The following AQP11 variants were observed in gnomAD, a reference collection of about 807,000 sequenced individuals.
The protein encoded by AQP11 is aquaporin 11.
A neutral mutation model predicts 21.1 loss-of-function variants in AQP11; 20 were observed. The observed-to-expected ratio is 0.95, with a 90% CI of 0.67 to 1.38. The LOEUF (loss-of-function observed/expected upper bound fraction) is 1.38, where lower values mean the gene tolerates loss of function less well. Ranked by LOEUF, AQP11 falls within the 40% of genes most tolerant of loss-of-function variation. The pLI, the probability that AQP11 is intolerant of heterozygous loss-of-function variation, is 0.00. For missense variants in AQP11, 339 were observed against 340.4 expected, an observed-to-expected ratio of 1.00 and a Z score of 0.03; for synonymous variants, 167 against 150.1, an observed-to-expected ratio of 1.11 and a Z score of -0.82.
In AQP11 at chr11:77,596,525, AATATATATGTAAATATATATATATATAT is replaced by A. The variant is rs1565117451; in HGVS notation, c.619+5923_619+5950del. On this transcript the variant is annotated intron_variant, in intron 1 of 2. Coordinates refer to ENST00000313578, the MANE Select transcript of AQP11 (RefSeq NM_173039.3). Reference sequence around the variant, plus strand: ...ATATATATGTGTAAATATATATGTAAATATATATGTAAATATATATATATATATATATATATATGTATGTAATGGTTAA... The same window carrying A: ...ATATATATGTGTAAATATATATGTAAATATATATATGTATGTAATGGTTAA... Among the ~76,000 whole-genome samples, 112 of 87,250 alleles carry A rather than the reference AATATATATGTAAATATATATATATATAT, an allele frequency of 1.3e-3. 2 individuals carry two copies. The highest frequency in any genetic ancestry group is 4.7e-3 in the African/African-American group (105 of 22,452). 57.2% of individuals were successfully genotyped at this position (87,250 alleles called of 152,430 possible).
chr11:77,590,565 T>C lies in AQP11; in HGVS notation c.573T>C (p.Leu191=). 1 of 1,614,184 alleles carries C rather than the reference T, an allele frequency of 6.2e-7. No homozygotes were observed. The highest frequency in any genetic ancestry group is 1.1e-5 in the South Asian group (1 of 91,084). The change falls in exon 1 of 3, where the codon CTT becomes CTC. Residue 191 remains leucine, a synonymous_variant. Coordinates refer to ENST00000313578, the MANE Select transcript of AQP11 (RefSeq NM_173039.3). ...ACTTCCAGGAAGTCCGAACCAAGCT[T>C]CGTATCCACCTGCTGGCTGCACTCA... The part of the protein sequence containing the change: ...LLHFQEVRTK[L]RIHLLAALIT...
intron 1 of AQP11, chr11:77,590,846 A>G (rs915706008): frequency 6.1e-5 from 60 of 985,264 alleles, no homozygotes; most frequent in Non-Finnish European, 6.9e-5. Flanking sequence ...GCTGAAACTG[A>G]GATACTGTGA....
chr11:77,595,209 C>T (rs6592736), intron 1 of AQP11, among the ~76,000 whole-genome samples: 27,431 of 151,888 alleles, frequency 0.18, 3,160 homozygotes, highest in African/African-American at 0.31. Context: ...GGCATGCTTG[C>T]GCATGCCTGT....
At chr11:77,592,003 C>T (rs2135743018) in intron 1 of AQP11, among the ~76,000 whole-genome samples, 1 of 152,324 alleles carries the variant, frequency 6.6e-6, no homozygotes, top group Admixed American at 6.5e-5. Flanking sequence ...CGGTGGCTCA[C>T]ACCTGTCATC....
rs1958827893 is a variant in AQP11 at position 77,603,642 on chromosome 11, T to G, written c.706T>G (p.Phe236Val). Residue 236 changes from phenylalanine (F) to valine (V), a missense_variant, in exon 2 of 3, where the codon TTT becomes GTT. Physicochemically the swap from Phe to Val is conservative, Grantham distance 50. Coordinates refer to ENST00000313578, the MANE Select transcript of AQP11 (RefSeq NM_173039.3). Reference protein sequence around the residue: ...MCFDEAFPQFFIVYWLAPSLG... With the variant: ...MCFDEAFPQFVIVYWLAPSLG... ...TTTTGATGAAGCATTCCCTCAGTTT[T>G]TTATAGTATACTGGCTGGCTCCTTC... 6.2e-7 allele frequency: 1 copy of G among 1,608,370 alleles called. No homozygotes were observed. The highest frequency in any genetic ancestry group is 8.5e-7 in the Non-Finnish European group (1 of 1,177,828).
Position 77,590,479 on chromosome 11 carries a change from T to A in AQP11, c.487T>A (p.Leu163Met). 6.2e-7 allele frequency: 1 copy of A among 1,614,172 alleles called. No homozygotes were observed. The highest frequency in any genetic ancestry group is 8.5e-7 in the Non-Finnish European group (1 of 1,180,030). The change falls in exon 1 of 3, where the codon TTG (leucine) becomes ATG (methionine). Residue 163 changes from leucine (L) to methionine (M), a missense_variant. Transcript: ENST00000313578. ...FACKNPIRVD[L>M]LKAVITEAVC... ...TTGCAAGAATCCCATCCGAGTCGAC[T>A]TGCTCAAAGCGGTCATCACAGAGGC... is the stretch of plus-strand genomic sequence containing the variant.
rs776971554 is a variant in AQP11 at position 77,603,690 on chromosome 11, T to C, written c.736+18T>C. The C allele has an allele frequency of 4.0e-6, 6 of 1,508,556 alleles. No homozygotes were observed. The highest frequency in any genetic ancestry group is 4.5e-6 in the Non-Finnish European group (5 of 1,102,984). The allele number at this position is 1,508,556 out of a possible 1,614,324, so 93.4% of individuals were successfully genotyped here. On this transcript the variant is annotated intron_variant, in intron 2 of 2. Transcript: ENST00000313578. ...TTCTTTAGGTAAGCGTATTTTTATT[T>C]AATATGTCTGAAAGATTAGGGTATT...
At chr11:77,596,522 G>A (rs903433300) in intron 1 of AQP11, among the ~76,000 whole-genome samples, 4 of 90,446 alleles carry the variant, frequency 4.4e-5, no homozygotes, top group Admixed American at 1.2e-4. Flanking sequence ...AAATATATAT[G>A]TAAATATATA....
chr11:77,596,537 A>AATAAATATATATATATAT (rs1958783015), intron 1 of AQP11, among the ~76,000 whole-genome samples: 1 of 86,576 alleles, frequency 1.2e-5, no homozygotes, highest in African/African-American at 4.5e-5. Context: ...TATATATGTA[A>AATAAATATATATATATAT]ATATATATAT....
In AQP11 at chr11:77,610,099, G is replaced by C. The variant is rs1410890281; in HGVS notation, c.*722G>C. 1.3e-5 allele frequency: 2 copies of C among 152,086 alleles called. No individual in the cohort carries two copies. Among genetic ancestry groups the C allele is most frequent in the Non-Finnish European group, 2.9e-5 (2 of 68,028 alleles). 9.4% of individuals were successfully genotyped at this position (152,086 alleles called of 1,614,324 possible). A position where few individuals can be genotyped will look rare whatever the true frequency, so the allele number is the denominator to read the frequency against. The stretch of plus-strand genomic sequence containing the variant: ...AACAGCTAGCTACCTTATGAAGTAG[G>C]GAGGGCATGTATTTTTAATCTCCAT... On this transcript the variant is annotated 3_prime_UTR_variant, in exon 3 of 3. Coordinates refer to ENST00000313578, the MANE Select transcript of AQP11 (RefSeq NM_173039.3).
At chr11:77,601,682 C>A (rs568418541) in intron 1 of AQP11, among the ~76,000 whole-genome samples, 2 of 152,268 alleles carry the variant, frequency 1.3e-5, no homozygotes, top group South Asian at 4.1e-4. Context: ...TTTCATGATT[C>A]TGTGGGTTAT....
intron 2 of AQP11, among the ~76,000 whole-genome samples, chr11:77,605,125 G>A (rs544468706): frequency 3.5e-4 from 53 of 152,258 alleles, no homozygotes; most frequent in African/African-American, 1.1e-3. Context: ...CCTAGGAGGC[G>A]GAGCTTGCAG....
At chr11:77,594,998 G>T (rs1362700083) in intron 1 of AQP11, among the ~76,000 whole-genome samples, 1 of 152,034 alleles carries the variant, frequency 6.6e-6, no homozygotes, top group Non-Finnish European at 1.5e-5. Context: ...TTAGTTCAAT[G>T]AACAGTTTGA....
In AQP11 at chr11:77,604,919, C is replaced by T. The variant is rs142690009; in HGVS notation, c.736+1247C>T. ...AAATTTTCTCTGTTTTTAGGCCGGG[C>T]GCAGTGGCTCACGCCTGTAATCCCA... is the stretch of plus-strand genomic sequence containing the variant. On this transcript the variant is annotated intron_variant, in intron 2 of 2. Transcript: ENST00000313578. 4.0e-3 allele frequency among the ~76,000 whole-genome samples: 604 copies of T among 152,288 alleles called. 3 individuals carry two copies. Among genetic ancestry groups the T allele is most frequent in the African/African-American group, 0.014 (562 of 41,566 alleles).
chr11:77,605,998 G>A (rs940839118), intron 2 of AQP11, among the ~76,000 whole-genome samples: 3 of 135,576 alleles, frequency 2.2e-5, no homozygotes, highest in Non-Finnish European at 4.6e-5. Context: ...AGCCGAGATC[G>A]CACTACTGCA....
chr11:77,601,889 C>T (rs1729367616), intron 1 of AQP11, among the ~76,000 whole-genome samples: 1 of 152,170 alleles, frequency 6.6e-6, no homozygotes, highest in African/African-American at 2.4e-5. Context: ...GGCATTCTTC[C>T]AAGAGAGCAA....
intron 1 of AQP11, among the ~76,000 whole-genome samples, chr11:77,595,527 A>G (rs1958773397): frequency 6.6e-6 from 1 of 152,240 alleles, no homozygotes; most frequent in African/African-American, 2.4e-5. Flanking sequence ...GTCATAACAT[A>G]TATCAAGATC....
At position 77,590,235 on chromosome 11, in the gene AQP11, C is replaced by A; in HGVS notation, c.243C>A (p.Leu81=). The change falls in exon 1 of 3, where the codon CTC becomes CTA. Residue 81 remains leucine (L), a synonymous_variant. Transcript: ENST00000313578. ...HPAHPTWTLT[L]VYFFSLVHGL... is the part of the protein sequence containing the mutation. ...CGCACCCCACCTGGACGCTGACGCT[C>A]GTCTACTTCTTCTCGCTTGTGCATG... The A allele has an allele frequency of 1.3e-6, 2 of 1,595,860 alleles. No individual in the cohort carries two copies. The highest frequency in any genetic ancestry group is 8.5e-7 in the Non-Finnish European group (1 of 1,170,772).
In AQP11 at chr11:77,590,325, C is replaced by T; in HGVS notation, c.333C>T (p.Gly111=). The T allele has an allele frequency of 6.2e-7, 1 of 1,610,010 alleles. No individual in the cohort carries two copies. The highest frequency in any genetic ancestry group is 1.3e-5 in the African/African-American group (1 of 74,986). ...TGATGATGCAGATGATGCTGGGGGGCATGTCCCCCGAGACGGGTGCGGTGA... is the reference window on the plus strand; with the variant it reads ...TGATGATGCAGATGATGCTGGGGGGTATGTCCCCCGAGACGGGTGCGGTGA... ...CGVMMQMMLG[G]MSPETGAVRL... Residue 111 remains glycine, a synonymous_variant, in exon 1 of 3, where the codon GGC becomes GGT. Transcript: ENST00000313578.
Sources: gnomAD v4.1 joint callset for allele counts (sites outside exome capture counted in the v4.1 genomes callset) on GRCh38, gnomAD v4.1.1 for gene constraint, MANE v1.5 for transcripts, NCBI Gene and HGNC (gene_info 2026-07-23, HGNC 2026-07-21) for gene names.